Variants in CNTLN observed in about 807,000 individuals in gnomAD.
CNTLN encodes centlein.
In CNTLN, 212 loss-of-function variants were observed where a neutral mutation model predicts 180.0. The ratio of observed to expected loss-of-function variants is 1.18; its 90% CI spans 1.05 to 1.32. CNTLN has a LOEUF of 1.32. Ranked by LOEUF, CNTLN falls within the 40% of genes most tolerant of loss-of-function variation. The probability of loss-of-function intolerance (pLI) is 0.00; values close to 1 mark genes in which losing one functional copy is unlikely to be tolerated. For synonymous variants in CNTLN, 722 were observed against 563.1 expected, an observed-to-expected ratio of 1.28 and a Z score of -3.99; for missense variants, 2,095 against 1,610.9, an observed-to-expected ratio of 1.30 and a Z score of -5.14.
At chr9:17,316,433 A>C (rs182729046) in intron 8 of CNTLN, among the ~76,000 whole-genome samples, 5 of 152,200 alleles carry the variant, frequency 3.3e-5, no homozygotes, top group Non-Finnish European at 7.4e-5. Flanking sequence ...TATGCTCTTT[A>C]ACTTAGGATG....
intron 8 of CNTLN, among the ~76,000 whole-genome samples, chr9:17,310,610 A>G (rs80316742): frequency 0.015 from 2,232 of 152,194 alleles, 55 homozygotes; most frequent in African/African-American, 0.05. Flanking sequence ...CCTGGACTAT[A>G]AAGTGTGAAA....
chr9:17,354,740 A>G (rs1285773243), intron 12 of CNTLN, among the ~76,000 whole-genome samples: 1 of 152,116 alleles, frequency 6.6e-6, no homozygotes, highest in African/African-American at 2.4e-5. Flanking sequence ...AGATAAGAGA[A>G]TAAAAGCAGG....
chr9:17,468,488 T>G (rs993288413), intron 23 of CNTLN, among the ~76,000 whole-genome samples: 2 of 151,606 alleles, frequency 1.3e-5, no homozygotes, highest in Non-Finnish European at 3.0e-5. Context: ...TTGTTTTATA[T>G]TCAACTTAGC....
At chr9:17,507,461 T>C (rs2593355), downstream of CNTLN, among the ~76,000 whole-genome samples, 149,408 of 152,236 alleles carry the variant, frequency 0.98, 73,338 homozygotes, top group Middle Eastern at 1. Context: ...CATACAAAAG[T>C]AGATATCATT....
At chr9:17,262,373 C>A (rs933390230) in intron 5 of CNTLN, among the ~76,000 whole-genome samples, 1 of 151,594 alleles carries the variant, frequency 6.6e-6, no homozygotes, top group African/African-American at 2.4e-5. Context: ...GGTAGATATA[C>A]ACCATGGAAT....
intron 12 of CNTLN, among the ~76,000 whole-genome samples, chr9:17,344,022 G>C (rs900564640): frequency 3.3e-5 from 5 of 152,094 alleles, no homozygotes; most frequent in Non-Finnish European, 5.9e-5. Context: ...GCTTTTATCT[G>C]ATGATCTTTA....
chr9:17,235,623 A>T (rs777035862), intron 3 of CNTLN, 35 bp from the exon 4 acceptor site: 1 of 1,439,406 alleles, frequency 6.9e-7, no homozygotes, highest in Non-Finnish European at 9.2e-7. Flanking sequence ...TCTTAGAAAT[A>T]AAAGCTCACC....
intron 18 of CNTLN, among the ~76,000 whole-genome samples, chr9:17,422,201 A>G (rs532390896): frequency 1.8e-4 from 27 of 152,226 alleles, no homozygotes; most frequent in African/African-American, 6.5e-4. Context: ...AGCACTTTGA[A>G]TATGTCATGT....
chr9:17,448,007 G>A (rs568584599), intron 18 of CNTLN: 6 of 152,898 alleles, frequency 3.9e-5, no homozygotes, highest in African/African-American at 1.4e-4. Flanking sequence ...TCCGGGCCAT[G>A]GTTTGAAGAA....
At chr9:17,308,163 C>T (rs1818862641) in intron 7 of CNTLN, among the ~76,000 whole-genome samples, 1 of 152,050 alleles carries the variant, frequency 6.6e-6, no homozygotes, top group South Asian at 2.1e-4. Flanking sequence ...GGAGGCATAC[C>T]ATTGTTAACC....
intron 18 of CNTLN, among the ~76,000 whole-genome samples, chr9:17,420,824 C>G (rs955470280): frequency 2.0e-5 from 3 of 152,116 alleles, no homozygotes; most frequent in Non-Finnish European, 2.9e-5. Context: ...CTTCACTTGT[C>G]ATTCAGGAAC....
At chr9:17,190,621 A>G (rs1188269782) in intron 2 of CNTLN, among the ~76,000 whole-genome samples, 3 of 152,180 alleles carry the variant, frequency 2.0e-5, no homozygotes, top group Non-Finnish European at 4.4e-5. Context: ...TATATCTGGA[A>G]TTTCTTAGTG....
intron 12 of CNTLN, among the ~76,000 whole-genome samples, chr9:17,352,389 A>AATATATATAT (rs373257904): frequency 1.7e-4 from 14 of 84,416 alleles, no homozygotes; most frequent in African/African-American, 5.0e-4. Context: ...CTCAAGCTAG[A>AATATATATAT]ATATATATAT....
chr9:17,348,821 T>C (rs1822133989), intron 12 of CNTLN, among the ~76,000 whole-genome samples: 1 of 152,182 alleles, frequency 6.6e-6, no homozygotes, highest in African/African-American at 2.4e-5. Context: ...TGAGCCACCG[T>C]GCCTGGCCCT....
rs1171705631 is a variant in CNTLN at position 17,143,383 on chromosome 9, T to C, written c.449+7T>C. ...TCAGTTTGGTTGTGGAAAGGTGAGC[T>C]CTCAAATTATTTTTTCATGAGTATT... On this transcript the variant is annotated splice_region_variant and intron_variant, in intron 2 of 25. Coordinates refer to ENST00000380647, the MANE Select transcript of CNTLN (RefSeq NM_017738.4). The C allele has an allele frequency of 6.2e-7, 1 of 1,607,478 alleles. No homozygotes were observed. The highest frequency in any genetic ancestry group is 1.1e-5 in the South Asian group (1 of 90,564).
At chr9:17,329,806 A>G (rs1247570190) in intron 8 of CNTLN, among the ~76,000 whole-genome samples, 1 of 151,486 alleles carries the variant, frequency 6.6e-6, no homozygotes, top group Non-Finnish European at 1.5e-5. Context: ...AAATATTTTC[A>G]GGGCTACTAG....
chr9:17,364,319 C>T (rs558103134), intron 12 of CNTLN, among the ~76,000 whole-genome samples: 3 of 152,004 alleles, frequency 2.0e-5, no homozygotes, highest in Non-Finnish European at 4.4e-5. Flanking sequence ...CTTCCTTTAC[C>T]TCCTTCTGCT....
intron 12 of CNTLN, among the ~76,000 whole-genome samples, chr9:17,364,403 G>C (rs1392426931): frequency 6.6e-6 from 1 of 151,118 alleles, no homozygotes; most frequent in East Asian, 1.9e-4. Flanking sequence ...TTAAATTTCT[G>C]GTATTATGTT....
At chr9:17,238,400 C>T (rs1277338583) in intron 5 of CNTLN, among the ~76,000 whole-genome samples, 2 of 152,140 alleles carry the variant, frequency 1.3e-5, no homozygotes, top group South Asian at 2.1e-4. Flanking sequence ...CAAGATTGTT[C>T]ACTGATCTTC....
Sources: allele counts gnomAD v4.1 joint callset (sites outside exome capture counted in the v4.1 genomes callset), GRCh38; gene constraint gnomAD v4.1.1; transcripts MANE v1.5; gene names NCBI Gene and HGNC (gene_info 2026-07-23, HGNC 2026-07-21).